IRAG1: variants seen among roughly 807,000 people sequenced by gnomAD.
The protein encoded by IRAG1 is inositol 1,4,5-triphosphate receptor associated 1.
IRAG1 carries 62 observed loss-of-function variants against 106.2 expected under a neutral mutation model. The ratio of observed to expected loss-of-function variants is 0.58; its 90% CI spans 0.48 to 0.72. The LOEUF (loss-of-function observed/expected upper bound fraction) is 0.72, where lower values mean the gene tolerates loss of function less well. IRAG1 is among the 30% of genes least tolerant of loss of function. The pLI, the probability that IRAG1 is intolerant of heterozygous loss-of-function variation, is 0.00. For missense variants in IRAG1, 1,064 were observed against 1,140.7 expected (o/e 0.93, Z 0.97); for synonymous variants, 462 against 443.9 (o/e 1.04, Z -0.51).
intron 18 of IRAG1, among the ~76,000 whole-genome samples, 157 bp from the exon 19 acceptor site, chr11:10,582,143 A>G (rs1851457294): frequency 1.3e-5 from 2 of 152,180 alleles, no homozygotes; most frequent in South Asian, 4.2e-4. Flanking sequence ...CCCTGAGACA[A>G]GATTTTATAA....
intron 10 of IRAG1, among the ~76,000 whole-genome samples, chr11:10,622,279 C>A (rs751035532): frequency 6.6e-6 from 1 of 151,974 alleles, no homozygotes; most frequent in Admixed American, 6.6e-5. Context: ...GGGAGATAGC[C>A]CAGCAGGAGG....
At chr11:10,580,252 C>T (rs78092646) in intron 20 of IRAG1, among the ~76,000 whole-genome samples, 190 of 152,320 alleles carry the variant, frequency 1.2e-3, no homozygotes, top group African/African-American at 4.3e-3. Context: ...GCAAACTTCT[C>T]ATTGCTAGCT....
intron 1 of IRAG1, among the ~76,000 whole-genome samples, chr11:10,690,070 T>G (rs1564947857): frequency 1.3e-5 from 2 of 152,224 alleles, no homozygotes; most frequent in Admixed American, 1.3e-4. Context: ...TAGCAGACTT[T>G]TTTTACATGT....
chr11:10,650,067 C>T (rs1858341765), intron 2 of IRAG1, among the ~76,000 whole-genome samples: 1 of 152,202 alleles, frequency 6.6e-6, no homozygotes, highest in African/African-American at 2.4e-5. Flanking sequence ...AGTGAATATT[C>T]TCATGTTATG....
chr11:10,627,637 C>A, intron 8 of IRAG1, 79 bp downstream of exon 8: 2 of 1,517,114 alleles, frequency 1.3e-6, no homozygotes. Context: ...TTGAAGGCTG[C>A]CCAGGAGCCA....
At chr11:10,643,140 C>T (rs908191123) in intron 2 of IRAG1, among the ~76,000 whole-genome samples, 1 of 143,186 alleles carries the variant, frequency 7.0e-6, no homozygotes, top group Non-Finnish European at 1.5e-5. Flanking sequence ...TGCCACTGCA[C>T]TCCTCCAGCC....
chr11:10,592,983 T>A (rs994930195), intron 17 of IRAG1, among the ~76,000 whole-genome samples: 1 of 152,246 alleles, frequency 6.6e-6, no homozygotes, highest in Non-Finnish European at 1.5e-5. Flanking sequence ...AAACCCCTTA[T>A]AGGAATATCC....
chr11:10,609,950 T>C (rs1229843533), intron 10 of IRAG1, 99 bp from the exon 11 acceptor site: 1 of 1,210,398 alleles, frequency 8.3e-7, no homozygotes, highest in Non-Finnish European at 1.2e-6. Context: ...AGTATCTAGT[T>C]CTATGTTAAG....
intron 1 of IRAG1, among the ~76,000 whole-genome samples, chr11:10,671,199 C>A (rs7123521): frequency 0.013 from 2,004 of 152,298 alleles, 41 homozygotes; most frequent in African/African-American, 0.046. Flanking sequence ...GTAAAATTAT[C>A]TCTATTTGCA....
intron 17 of IRAG1, 98 bp from the exon 18 acceptor site, chr11:10,591,710 C>T (rs938645444): frequency 9.1e-7 from 1 of 1,096,780 alleles, no homozygotes; most frequent in Non-Finnish European, 1.4e-6. Context: ...GGGGCTGCTG[C>T]TTCTCCTCTT....
At chr11:10,675,538 A>G (rs1860586193) in intron 1 of IRAG1, among the ~76,000 whole-genome samples, 1 of 152,190 alleles carries the variant, frequency 6.6e-6, no homozygotes, top group Admixed American at 6.5e-5. Context: ...CTGGGGAAGC[A>G]GGTCACCTGA....
At position 10,581,942 on chromosome 11, in the gene IRAG1, G is replaced by A. The variant is rs199557491; in HGVS notation, c.2285C>T (p.Ala762Val). The change falls in exon 19 of 21, where the codon GCG becomes GTG. Residue 762 changes from alanine to valine, a missense_variant. Transcript: ENST00000423302. Reference protein sequence around the residue: ...GDPDCEASAPALTLSCLEELS... With the variant: ...GDPDCEASAPVLTLSCLEELS... ...CTCCTCCAGGCAGCTCAGGGTCAGC[G>A]CAGGAGCAGAGGCTTCACAATCTGG... is the stretch of plus-strand genomic sequence containing the variant. 1,337 of 1,613,854 alleles carry A rather than the reference G, an allele frequency of 8.3e-4. 1 individual carries two copies. Among genetic ancestry groups the A allele is most frequent in the Non-Finnish European group, 1.0e-3 (1,234 of 1,179,790 alleles).
chr11:10,612,113 T>G (rs1420231214), intron 10 of IRAG1, among the ~76,000 whole-genome samples: 1 of 152,196 alleles, frequency 6.6e-6, no homozygotes, highest in Non-Finnish European at 1.5e-5. Context: ...CCAACCACCA[T>G]GTTCTCCCCC....
chr11:10,595,551 A>G (rs1165753437), intron 15 of IRAG1, among the ~76,000 whole-genome samples: 1 of 152,010 alleles, frequency 6.6e-6, no homozygotes, highest in East Asian at 1.9e-4. Flanking sequence ...GCTTTCCAGG[A>G]TTTTTATTTC....
intron 15 of IRAG1, chr11:10,595,612 G>T (rs1853212468): frequency 6.6e-6 from 1 of 152,182 alleles, no homozygotes; most frequent in Non-Finnish European, 1.5e-5. Flanking sequence ...GATTTCTACA[G>T]AGAGTGCTTA....
At chr11:10,680,551 G>GGGGAAA (rs1861173580) in intron 1 of IRAG1, among the ~76,000 whole-genome samples, 1 of 149,022 alleles carries the variant, frequency 6.7e-6, no homozygotes, top group Admixed American at 6.6e-5. Context: ...GGAAGGGGAA[G>GGGGAAA]GGGAAGGGGA....
chr11:10,667,129 GTT>G (rs113491871), intron 1 of IRAG1, among the ~76,000 whole-genome samples: 1 of 149,526 alleles, frequency 6.7e-6, no homozygotes, highest in Non-Finnish European at 1.5e-5. Context: ...TAGAACAGAA[GTT>G]TTTTTTTTCG....
chr11:10,636,351 T>G (rs1857147067), intron 2 of IRAG1, among the ~76,000 whole-genome samples: 1 of 151,496 alleles, frequency 6.6e-6, no homozygotes, highest in African/African-American at 2.4e-5. Flanking sequence ...ACTTAAAAAT[T>G]TTTTTTTTAG....
chr11:10,678,670 T>A (rs1321770675), intron 1 of IRAG1, among the ~76,000 whole-genome samples: 1 of 152,148 alleles, frequency 6.6e-6, no homozygotes, highest in Non-Finnish European at 1.5e-5. Flanking sequence ...CCATCTGAAA[T>A]GTATTCTCAG....
Sources: allele counts gnomAD v4.1 joint callset (sites outside exome capture counted in the v4.1 genomes callset), GRCh38; gene constraint gnomAD v4.1.1; transcripts MANE v1.5; gene names NCBI Gene and HGNC (gene_info 2026-07-23, HGNC 2026-07-21).